Variants in NFATC3 observed in about 807,000 individuals in gnomAD.
The protein encoded by NFATC3 is nuclear factor of activated T-cells, cytoplasmic 3.
Under a neutral mutation model 98.6 loss-of-function variants are expected in NFATC3, and 46 were observed. That is an observed-to-expected ratio of 0.47 (90% CI 0.37 to 0.60). The LOEUF (loss-of-function observed/expected upper bound fraction) is 0.60. Ranked by LOEUF, NFATC3 falls within the 20% of genes least tolerant of loss-of-function variation. NFATC3 has a pLI of 0.00. For missense variants in NFATC3, 1,256 were observed against 1,295.5 expected, an observed-to-expected ratio of 0.97 and a Z score of 0.47; for synonymous variants, 512 against 472.2, an observed-to-expected ratio of 1.08 and a Z score of -1.09.
chr16:68,137,869 GT>G (rs1489480027), intron 3 of NFATC3, among the ~76,000 whole-genome samples: 2 of 151,836 alleles, frequency 1.3e-5, no homozygotes, highest in African/African-American at 4.8e-5. Flanking sequence ...GCCCTCCTCG[GT>G]CGGCCTCCCA....
intron 9 of NFATC3, among the ~76,000 whole-genome samples, chr16:68,195,409 CCT>C (rs1336836036): frequency 1.3e-5 from 2 of 152,082 alleles, no homozygotes; most frequent in Non-Finnish European, 2.9e-5. Flanking sequence ...ATGGTGTGCA[CCT>C]GTAGTCCTGG....
In NFATC3 at chr16:68,085,792, C is replaced by G. The variant is rs1342690655; in HGVS notation, c.103+8C>G. 1.4e-6 allele frequency: 2 copies of G among 1,461,656 alleles called. No homozygotes were observed. Among genetic ancestry groups the G allele is most frequent in the African/African-American group, 3.0e-5 (2 of 67,346 alleles). 90.5% of individuals were successfully genotyped at this position (1,461,656 alleles called of 1,614,324 possible). On this transcript the variant is annotated splice_region_variant and intron_variant, in intron 1 of 9. Coordinates refer to ENST00000346183, the MANE Select transcript of NFATC3 (RefSeq NM_173165.3). ...CGGGCTCGCGGCCTGCAGGTGGGTG[C>G]CGGGCCAGGCGGGACCGTGGAGCGA...
chr16:68,148,563 G>A (rs891082165), intron 3 of NFATC3, among the ~76,000 whole-genome samples: 1 of 152,148 alleles, frequency 6.6e-6, no homozygotes, highest in Non-Finnish European at 1.5e-5. Flanking sequence ...AAGCCTGCTG[G>A]CAGGTGAGAA....
At chr16:68,128,677 A>G (rs552412116) in intron 3 of NFATC3, among the ~76,000 whole-genome samples, 1 of 152,290 alleles carries the variant, frequency 6.6e-6, no homozygotes, top group East Asian at 1.9e-4. Context: ...AGCCAGGAAC[A>G]ATGGTGTGTG....
intron 3 of NFATC3, chr16:68,138,888 C>T (rs1000420508): frequency 4.7e-6 from 4 of 848,000 alleles, no homozygotes; most frequent in Admixed American, 4.1e-5. Context: ...TTGGTTGAAT[C>T]CTGGATTTTA....
chr16:68,195,277 G>A (rs760645727), intron 9 of NFATC3, among the ~76,000 whole-genome samples: 4 of 152,046 alleles, frequency 2.6e-5, no homozygotes, highest in Non-Finnish European at 5.9e-5. Flanking sequence ...AAGAAAGAAT[G>A]TTCCTAGATT....
intron 8 of NFATC3, among the ~76,000 whole-genome samples, chr16:68,186,376 A>G (rs967676697): frequency 5.9e-5 from 9 of 152,128 alleles, no homozygotes; most frequent in Non-Finnish European, 1.0e-4. Context: ...TGTCTCTACT[A>G]AAAATACAAA....
chr16:68,226,316 G>T, intron 9 of NFATC3, 34 bp from the exon 10 acceptor site: 25 of 1,553,088 alleles, frequency 1.6e-5, no homozygotes, highest in Non-Finnish European at 2.1e-5. Context: ...TCACTCAGAG[G>T]TCACTAATCA....
At chr16:68,173,054 C>A (rs1044138809) in intron 5 of NFATC3, among the ~76,000 whole-genome samples, 1 of 147,838 alleles carries the variant, frequency 6.8e-6, no homozygotes, top group Admixed American at 6.8e-5. Context: ...CCCAGGAGTT[C>A]GAGAACAGCC....
chr16:68,104,084 C>T (rs1464588282), intron 1 of NFATC3, among the ~76,000 whole-genome samples: 17 of 152,230 alleles, frequency 1.1e-4, no homozygotes, highest in Non-Finnish European at 7.4e-5. Context: ...TAGAAAAGCC[C>T]GTGAAATTTT....
At chr16:68,100,907 GGTGT>G (rs753839799) in intron 1 of NFATC3, among the ~76,000 whole-genome samples, 3,090 of 142,866 alleles carry the variant, frequency 0.022, 54 homozygotes, top group Non-Finnish European at 0.036. Flanking sequence ...GTGTGTGTGG[GGTGT>G]GTGTGTGTGT....
At chr16:68,137,227 C>T (rs374723322) in intron 3 of NFATC3, among the ~76,000 whole-genome samples, 1 of 152,078 alleles carries the variant, frequency 6.6e-6, no homozygotes, top group Non-Finnish European at 1.5e-5. Flanking sequence ...TCTTTATATC[C>T]TTATTCCATA....
intron 6 of NFATC3, among the ~76,000 whole-genome samples, chr16:68,178,490 T>C (rs2039815896): frequency 6.6e-6 from 1 of 152,224 alleles, no homozygotes; most frequent in Non-Finnish European, 1.5e-5. Context: ...ATTGGGGACA[T>C]AATGTTGAAT....
At chr16:68,139,018 A>C (rs980145033) in intron 3 of NFATC3, among the ~76,000 whole-genome samples, 14 of 152,140 alleles carry the variant, frequency 9.2e-5, no homozygotes, top group Admixed American at 8.5e-4. Context: ...TTGATTGCTC[A>C]CTACGTTATA....
At chr16:68,127,146 G>T (rs1478329181) in intron 3 of NFATC3, among the ~76,000 whole-genome samples, 1 of 152,162 alleles carries the variant, frequency 6.6e-6, no homozygotes, top group Non-Finnish European at 1.5e-5. Flanking sequence ...CCGGGAGGCA[G>T]AGGTTGCAGT....
At chr16:68,210,980 C>T (rs1170164932) in intron 9 of NFATC3, among the ~76,000 whole-genome samples, 2 of 151,942 alleles carry the variant, frequency 1.3e-5, no homozygotes, top group African/African-American at 4.8e-5. Flanking sequence ...GATGGGGTTT[C>T]ACCATATTGG....
At chr16:68,086,485 A>G (rs192924178) in intron 1 of NFATC3, among the ~76,000 whole-genome samples, 2 of 152,300 alleles carry the variant, frequency 1.3e-5, no homozygotes, top group Admixed American at 1.3e-4. Flanking sequence ...GATATTTTAA[A>G]GGAAATCTTG....
Position 68,226,398 on chromosome 16 carries a change from G to T in NFATC3, c.3155G>T (p.Gly1052Val). Residue 1052 changes from glycine (G) to valine (V), a missense_variant, in exon 10 of 10, where the codon GGA (glycine) becomes GTA (valine). Physicochemically the swap from Gly to Val is moderately radical, Grantham distance 109. Transcript: ENST00000346183. ...RDMSQISVSQ[G>V]AGVSRQAPLP... Reference sequence around the variant, plus strand: ...ATGTCCCAGATTTCTGTTTCCCAAGGAGCAGGGGTGAGCAGGCAGGCTCCC... The same window carrying T: ...ATGTCCCAGATTTCTGTTTCCCAAGTAGCAGGGGTGAGCAGGCAGGCTCCC... The T allele has an allele frequency of 6.4e-7, 1 of 1,568,488 alleles. No individual in the cohort carries two copies. Among genetic ancestry groups the T allele is most frequent in the East Asian group, 2.5e-5 (1 of 40,672 alleles).
intron 5 of NFATC3, among the ~76,000 whole-genome samples, chr16:68,168,936 T>C (rs2039338522): frequency 6.6e-6 from 1 of 152,200 alleles, no homozygotes; most frequent in Admixed American, 6.5e-5. Flanking sequence ...CTAATTTTTG[T>C]ATTTTTAAAA....
Sources: gnomAD v4.1 joint callset for allele counts (sites outside exome capture counted in the v4.1 genomes callset) on GRCh38, gnomAD v4.1.1 for gene constraint, MANE v1.5 for transcripts, NCBI Gene and HGNC (gene_info 2026-07-23, HGNC 2026-07-21) for gene names.